SLC39A13: variants seen among roughly 807,000 people sequenced by gnomAD.
The protein encoded by SLC39A13 is solute carrier family 39 member 13.
Under a neutral mutation model 38.7 loss-of-function variants are expected in SLC39A13, and 18 were observed. That is an observed-to-expected ratio of 0.47 (90% CI 0.32 to 0.69). The LOEUF (loss-of-function observed/expected upper bound fraction) is 0.69. Ranked by LOEUF, SLC39A13 falls within the 30% of genes least tolerant of loss-of-function variation. The pLI, the probability that SLC39A13 is intolerant of heterozygous loss-of-function variation, is 0.03. For missense variants in SLC39A13, 395 were observed against 490.7 expected, an observed-to-expected ratio of 0.80 and a Z score of 1.84; for synonymous variants, 212 against 219.1, an observed-to-expected ratio of 0.97 and a Z score of 0.29.
chr11:47,412,086 G>C, intron 3 of SLC39A13, 47 bp downstream of exon 3: 1 of 1,558,694 alleles, frequency 6.4e-7, no homozygotes, highest in Non-Finnish European at 8.7e-7. Flanking sequence ...AGGAGTGGGG[G>C]CCTGGTGCCC....
At chr11:47,408,319 T>C (rs6485755), upstream of SLC39A13, among the ~76,000 whole-genome samples, 151,587 of 152,252 alleles carry the variant, frequency 1, 75,466 homozygotes, top group Middle Eastern at 1. Flanking sequence ...GAGCCGCCGC[T>C]TCCGTCCCTG....
At chr11:47,414,351 C>T in intron 6 of SLC39A13, 74 bp from the exon 7 acceptor site, 11 of 1,526,504 alleles carry the variant, frequency 7.2e-6, no homozygotes, top group Non-Finnish European at 9.8e-6. Flanking sequence ...GAGTAAACCT[C>T]TGTGGAATGA....
Position 47,411,977 on chromosome 11 carries a change from T to C in SLC39A13, c.353T>C (p.Leu118Ser), listed in dbSNP as rs1173103197. 1 of 1,613,952 alleles carries C rather than the reference T, an allele frequency of 6.2e-7. No individual in the cohort carries two copies. The highest frequency in any genetic ancestry group is 8.5e-7 in the Non-Finnish European group (1 of 1,179,968). ...CTCAGCTTCGCCCTGGGGGGACTCT[T>C]GGGCAATGTGTTTCTGCATCTGCTG... ...QLLSFALGGL[L>S]GNVFLHLLPE... Residue 118 changes from leucine to serine, a missense_variant, in exon 3 of 10, where the codon TTG (leucine) becomes TCG (serine). Coordinates refer to ENST00000362021, the MANE Select transcript of SLC39A13 (RefSeq NM_001128225.3).
In SLC39A13 at chr11:47,412,026, C is replaced by T. The variant is rs377636942; in HGVS notation, c.402C>T (p.Cys134=). The part of the protein sequence containing the change: ...HLLPEAWAYT[C]SASPGGEGQS... ...TGCCCGAAGCCTGGGCCTACACGTG[C>T]AGCGCCAGCCCTGGTAAGTGAGGCC... is the stretch of plus-strand genomic sequence containing the variant. The change falls in exon 3 of 10, where the codon TGC becomes TGT. Residue 134 remains cysteine, a synonymous_variant. Transcript: ENST00000362021. The T allele has an allele frequency of 3.1e-6, 5 of 1,610,636 alleles. No homozygotes were observed. Among genetic ancestry groups the T allele is most frequent in the East Asian group, 2.2e-5 (1 of 44,828 alleles).
At position 47,415,715 on chromosome 11, in the gene SLC39A13, G is replaced by A. The variant is rs150954662; in HGVS notation, c.*352G>A. On this transcript the variant is annotated 3_prime_UTR_variant, in exon 10 of 10. Coordinates refer to ENST00000362021, the MANE Select transcript of SLC39A13 (RefSeq NM_001128225.3). Reference sequence around the variant, plus strand: ...AGAGGCCTTGCCCTGCTGGGACCCCGGGAGTGAGAGCAGCCCAAGGATCCA... The same window carrying A: ...AGAGGCCTTGCCCTGCTGGGACCCCAGGAGTGAGAGCAGCCCAAGGATCCA... 1.0e-4 allele frequency: 35 copies of A among 349,688 alleles called. No homozygotes were observed. Among genetic ancestry groups the A allele is most frequent in the African/African-American group, 8.4e-4 (31 of 36,940 alleles). 21.7% of individuals were successfully genotyped at this position (349,688 alleles called of 1,614,324 possible). A position where few individuals can be genotyped will look rare whatever the true frequency, so the allele number is the denominator to read the frequency against.
chr11:47,410,356 G>A lies in SLC39A13; in HGVS notation c.262G>A (p.Val88Ile), dbSNP rs1371700375. The change falls in exon 2 of 10, where the codon GTC (valine) becomes ATC (isoleucine). Residue 88 changes from valine to isoleucine, a missense_variant. Val to Ile is a conservative substitution (Grantham distance 29). Transcript: ENST00000362021. ...GCTCAGTGGGGTCTTCCCGTTGCTT[G>A]TCATTCCCCTAGAGATGGGGACCAT... ...VGLSGVFPLL[V>I]IPLEMGTMLR... The A allele has an allele frequency of 2.5e-6, 4 of 1,613,988 alleles. No individual in the cohort carries two copies. In the African/African-American group the frequency reaches 4.0e-5, roughly 16 times the overall value.
At chr11:47,410,896 C>G (rs1381147704) in intron 2 of SLC39A13, among the ~76,000 whole-genome samples, 1 of 152,202 alleles carries the variant, frequency 6.6e-6, no homozygotes, top group South Asian at 2.1e-4. Context: ...AGCTCTGTGC[C>G]AGGCACTGGG....
Position 47,414,425 on chromosome 11 carries a change from A to T in SLC39A13, c.736A>T (p.Ile246Phe), listed in dbSNP as rs767784704. The T allele has an allele frequency of 1.2e-6, 2 of 1,609,788 alleles. No homozygotes were observed. Among genetic ancestry groups the T allele is most frequent in the African/African-American group, 1.3e-5 (1 of 74,870 alleles). ...VAASFLVSKK[I>F]GLLTTMAILL... The stretch of plus-strand genomic sequence containing the variant: ...GCAGCCACGGCTCCCCTCCCTGCAG[A>T]TCGGGCTCCTGACAACCATGGCCAT... Residue 246 changes from isoleucine (I) to phenylalanine (F), a missense_variant and splice_region_variant, in exon 7 of 10, where the codon ATC becomes TTC. Ile to Phe is a conservative substitution (Grantham distance 21, BLOSUM62 0). Coordinates refer to ENST00000362021, the MANE Select transcript of SLC39A13 (RefSeq NM_001128225.3).
Position 47,411,979 on chromosome 11 carries a change from G to T in SLC39A13, c.355G>T (p.Gly119Cys), listed in dbSNP as rs892859231. 6.8e-6 allele frequency: 11 copies of T among 1,613,844 alleles called. No individual in the cohort carries two copies. The highest frequency in any genetic ancestry group is 9.3e-6 in the Non-Finnish European group (11 of 1,179,986). Reference sequence around the variant, plus strand: ...CAGCTTCGCCCTGGGGGGACTCTTGGGCAATGTGTTTCTGCATCTGCTGCC... The same window carrying T: ...CAGCTTCGCCCTGGGGGGACTCTTGTGCAATGTGTTTCTGCATCTGCTGCC... The part of the protein sequence containing the change: ...LLSFALGGLL[G>C]NVFLHLLPEA... The change falls in exon 3 of 10, where the codon GGC becomes TGC. Residue 119 changes from glycine (G) to cysteine (C), a missense_variant. By Grantham distance (159) the Gly-to-Cys change is radical (BLOSUM62 -3). Transcript: ENST00000362021.
At chr11:47,408,048 T>G (rs2095978285), upstream of SLC39A13, among the ~76,000 whole-genome samples, 1 of 152,168 alleles carries the variant, frequency 6.6e-6, no homozygotes, top group African/African-American at 2.4e-5. Flanking sequence ...ATTCGATGAG[T>G]AAGAATAAAA....
At chr11:47,411,774 G>A in intron 2 of SLC39A13, 152 bp from the exon 3 acceptor site, 1 of 725,972 alleles carries the variant, frequency 1.4e-6, no homozygotes, top group Non-Finnish European at 2.4e-6. Context: ...GCAGGGTGTG[G>A]TGTTTCTGCT....
upstream of SLC39A13, among the ~76,000 whole-genome samples, chr11:47,408,184 G>A (rs1043412996): frequency 6.6e-6 from 1 of 152,204 alleles, no homozygotes; most frequent in African/African-American, 2.4e-5. Flanking sequence ...CTCCCAGCCC[G>A]ACCTGGGCGG....
intron 1 of SLC39A13, chr11:47,409,823 T>G (rs916253326): frequency 1.6e-5 from 7 of 431,742 alleles, no homozygotes; most frequent in African/African-American, 1.0e-4. Flanking sequence ...ACCCTGTCAT[T>G]AGGGAAAGTT....
intron 1 of SLC39A13, 97 bp from the exon 2 acceptor site, chr11:47,409,990 C>A: frequency 6.8e-7 from 1 of 1,460,384 alleles, no homozygotes; most frequent in Non-Finnish European, 9.5e-7. Context: ...AGGGTGGATG[C>A]CAGGGTCCCT....
At chr11:47,410,946 G>A (rs946253733) in intron 2 of SLC39A13, among the ~76,000 whole-genome samples, 3 of 152,186 alleles carry the variant, frequency 2.0e-5, no homozygotes, top group Admixed American at 6.5e-5. Context: ...GCCCTGCTTG[G>A]GCCATGGTCA....
chr11:47,415,207 G>T (rs1456055698), intron 9 of SLC39A13, 48 bp downstream of exon 9: 2 of 1,612,658 alleles, frequency 1.2e-6, no homozygotes, highest in Non-Finnish European at 8.5e-7. Flanking sequence ...AGGGCCCTTA[G>T]GGGCTCAGGA....
chr11:47,414,127 C>A, intron 6 of SLC39A13: 3 of 606,740 alleles, frequency 4.9e-6, no homozygotes, highest in Non-Finnish European at 8.8e-6. Flanking sequence ...CTCCACCAGG[C>A]CTTTGCTGAC....
intron 6 of SLC39A13, 148 bp downstream of exon 6, chr11:47,413,834 GGCCGCCACTGTTCTCTGATCCTGA>G: frequency 1.2e-6 from 1 of 867,628 alleles, no homozygotes; most frequent in Non-Finnish European, 1.9e-6. Flanking sequence ...CTGCTGTCCT[GGCCGCCACTGTTCTCTGATCCTGA>G]GCCCCTGGTC....
In SLC39A13 at chr11:47,413,523, A is replaced by G. The variant is rs772265206; in HGVS notation, c.645+16A>G. ...GAGCATCAAAGTGAGTGGCCTGCTCAGGGCCCCTGCAGCCGTACTGCCCTG... is the reference window on the plus strand; with the variant it reads ...GAGCATCAAAGTGAGTGGCCTGCTCGGGGCCCCTGCAGCCGTACTGCCCTG... On this transcript the variant is annotated intron_variant, in intron 5 of 9. Coordinates refer to ENST00000362021, the MANE Select transcript of SLC39A13 (RefSeq NM_001128225.3). 88 of 1,613,740 alleles carry G rather than the reference A, an allele frequency of 5.5e-5. No individual in the cohort carries two copies. The highest frequency in any genetic ancestry group is 7.2e-5 in the Non-Finnish European group (85 of 1,179,852).
Sources: gnomAD v4.1 joint callset for allele counts (sites outside exome capture counted in the v4.1 genomes callset) on GRCh38, gnomAD v4.1.1 for gene constraint, MANE v1.5 for transcripts, NCBI Gene and HGNC (gene_info 2026-07-23, HGNC 2026-07-21) for gene names.